BRSK1: variants seen among roughly 807,000 people sequenced by gnomAD.
BRSK1 encodes serine/threonine-protein kinase BRSK1.
BRSK1 carries 17 observed loss-of-function variants against 86.2 expected under a neutral mutation model. The ratio of observed to expected loss-of-function variants is 0.20; its 90% CI spans 0.14 to 0.30. BRSK1 has a LOEUF of 0.30. BRSK1 is among the 10% of genes least tolerant of loss of function. BRSK1 has a pLI of 1.00. For missense variants in BRSK1, 719 were observed against 1,071.9 expected (o/e 0.67, Z 4.60); for synonymous variants, 464 against 440.1 (o/e 1.05, Z -0.68).
rs373604846 is a variant in BRSK1, at chr19:55,294,413, C to T, written c.678+16C>T. On this transcript the variant is annotated intron_variant, in intron 7 of 18. Coordinates refer to ENST00000309383, the MANE Select transcript of BRSK1 (RefSeq NM_032430.2). The surrounding 1 kb of genome is among the most constrained non-coding windows in gnomAD (Gnocchi z 4.9). ...CCTGCTCGTGGTAAGGCGCCCTCACCTCTCCTGTCATTTCTAGATCAATCC... is the reference window on the plus strand; with the variant it reads ...CCTGCTCGTGGTAAGGCGCCCTCACTTCTCCTGTCATTTCTAGATCAATCC... 68 of 1,613,040 alleles carry T rather than the reference C, an allele frequency of 4.2e-5. No homozygotes were observed. The African/African-American group carries it at 7.7e-4, about 18-fold the overall frequency.
In BRSK1 at chr19:55,304,816, C is replaced by A; in HGVS notation, c.1613C>A (p.Pro538His). ...PTGTPGTTPP[P>H]SPGGGVGGAA... The stretch of plus-strand genomic sequence containing the variant: ...GGGACCCCGGGGACAACACCACCCC[C>A]CAGCCCCGGCGGTGGCGTCGGGGGA... Residue 538 changes from proline to histidine, a missense_variant, in exon 14 of 19, where the codon CCC becomes CAC. Transcript: ENST00000309383. The surrounding 1 kb of genome is among the most constrained non-coding windows in gnomAD (Gnocchi z 5.2). 6.3e-7 allele frequency: 1 copy of A among 1,580,210 alleles called. No homozygotes were observed. The highest frequency in any genetic ancestry group is 1.8e-5 in the Admixed American group (1 of 54,850).
At position 55,312,024 on chromosome 19, in the gene BRSK1, A is replaced by G; in HGVS notation, c.2293A>G (p.Lys765Glu). 4 of 1,278,866 alleles carry G rather than the reference A, an allele frequency of 3.1e-6. No individual in the cohort carries two copies. The highest frequency in any genetic ancestry group is 3.0e-6 in the Non-Finnish European group (3 of 989,666). 79.2% of individuals were successfully genotyped at this position (1,278,866 alleles called of 1,614,324 possible). The change falls in exon 19 of 19, where the codon AAG becomes GAG. Residue 765 changes from lysine to glutamate, a missense_variant. Coordinates refer to ENST00000309383, the MANE Select transcript of BRSK1 (RefSeq NM_032430.2). ...CAGCTCTCCCCGCCGAGGCCCCCCC[A>G]AGGACAAGAAGCTCCTGGCCACCAA... The part of the protein sequence containing the change: ...LSSSPRRGPP[K>E]DKKLLATNGT...
chr19:55,286,460 T>A (rs1600168515), intron 1 of BRSK1, among the ~76,000 whole-genome samples: 1 of 149,134 alleles, frequency 6.7e-6, no homozygotes, highest in African/African-American at 2.5e-5. Context: ...AGGCTGGGGG[T>A]TCAGGAGAAG....
Position 55,302,103 on chromosome 19 carries a change from A to G in BRSK1, c.826-34A>G. ...CGCGCCTACATGTGCCTACGACCTCACTTCTGCTTCTCTACGACTCACCAC... is the reference window on the plus strand; with the variant it reads ...CGCGCCTACATGTGCCTACGACCTCGCTTCTGCTTCTCTACGACTCACCAC... On this transcript the variant is annotated intron_variant, in intron 8 of 18. Coordinates refer to ENST00000309383, the MANE Select transcript of BRSK1 (RefSeq NM_032430.2). This position sits in a 1 kb window ranked among gnomAD's most constrained non-coding sequence, Gnocchi z 6.3. 1 of 1,614,026 alleles carries G rather than the reference A, an allele frequency of 6.2e-7. No individual in the cohort carries two copies. Among genetic ancestry groups the G allele is most frequent in the African/African-American group, 1.3e-5 (1 of 75,038 alleles).
At chr19:55,286,384 A>G (rs1230848178) in intron 1 of BRSK1, among the ~76,000 whole-genome samples, 1 of 151,506 alleles carries the variant, frequency 6.6e-6, no homozygotes, top group Non-Finnish European at 1.5e-5. Context: ...GAGACCGGAC[A>G]TACCCTTGGT....
At chr19:55,297,223 T>C (rs2122961215) in intron 7 of BRSK1, among the ~76,000 whole-genome samples, 1 of 151,628 alleles carries the variant, frequency 6.6e-6, no homozygotes, top group East Asian at 2.0e-4. Flanking sequence ...ACTACAGGCA[T>C]GTGCCACCAC....
chr19:55,303,482 T>C lies in BRSK1; in HGVS notation c.1126+74T>C, dbSNP rs1477604846. On this transcript the variant is annotated intron_variant, in intron 11 of 18. Coordinates refer to ENST00000309383, the MANE Select transcript of BRSK1 (RefSeq NM_032430.2). This position sits in a 1 kb window ranked among gnomAD's most constrained non-coding sequence, Gnocchi z 5.1. ...AGAGGCTGGCCACGGGGACCCCAGA[T>C]TCCCAAGGAAAGAAGGGGCTGCAGG... is the stretch of plus-strand genomic sequence containing the variant. The C allele has an allele frequency of 1.1e-5, 17 of 1,530,886 alleles. No individual in the cohort carries two copies. The Admixed American group carries it at 2.9e-4, about 26-fold the overall frequency. 94.8% of individuals were successfully genotyped at this position (1,530,886 alleles called of 1,614,324 possible). A position where few individuals can be genotyped will look rare whatever the true frequency, so the allele number is the denominator to read the frequency against.
intron 4 of BRSK1, among the ~76,000 whole-genome samples, chr19:55,293,682 G>C (rs1174446986): frequency 7.0e-6 from 1 of 143,850 alleles, no homozygotes; most frequent in African/African-American, 2.6e-5. Flanking sequence ...ATGGTGGTGC[G>C]GCCTGTAGTC....
chr19:55,285,251 G>A (rs925879175), intron 1 of BRSK1, among the ~76,000 whole-genome samples: 2 of 151,554 alleles, frequency 1.3e-5, no homozygotes, highest in Admixed American at 1.3e-4. Flanking sequence ...TCTGAAGGAG[G>A]AGGGGCTGGG....
At chr19:55,295,397 A>C (rs548149653) in intron 7 of BRSK1, among the ~76,000 whole-genome samples, 23 of 152,288 alleles carry the variant, frequency 1.5e-4, no homozygotes, top group South Asian at 6.2e-4. Flanking sequence ...TGTTGGGATT[A>C]CATGCGTGAG....
Position 55,294,724 on chromosome 19 carries a change from A to G in BRSK1, c.678+327A>G, listed in dbSNP as rs1402532564. On this transcript the variant is annotated intron_variant, in intron 7 of 18. Coordinates refer to ENST00000309383, the MANE Select transcript of BRSK1 (RefSeq NM_032430.2). This position sits in a 1 kb window ranked among gnomAD's most constrained non-coding sequence, Gnocchi z 4.9. ...GCCATATTGGCCAGGCTGGTCTCCAACTCCTGACCTCAGGTGATCCACCTG... is the reference window on the plus strand; with the variant it reads ...GCCATATTGGCCAGGCTGGTCTCCAGCTCCTGACCTCAGGTGATCCACCTG... 6.6e-6 allele frequency among the ~76,000 whole-genome samples: 1 copy of G among 151,516 alleles called. No homozygotes were observed. Among genetic ancestry groups the G allele is most frequent in the Non-Finnish European group, 1.5e-5 (1 of 67,890 alleles).
rs752088161 is a variant in BRSK1 at position 55,308,601 on chromosome 19, C to A, written c.2090-38C>A. 7.1e-6 allele frequency: 11 copies of A among 1,544,560 alleles called. 1 individual carries two copies. In the South Asian group the frequency reaches 1.0e-4, roughly 14 times the overall value. On this transcript the variant is annotated intron_variant, in intron 17 of 18. Transcript: ENST00000309383. The stretch of plus-strand genomic sequence containing the variant: ...CTGGGACGGCCTTCCCGGTCCTGGA[C>A]CCCCAGTCAGTGTTTTTCTGCCCGC...
Position 55,294,404 on chromosome 19 carries a change from CG to C in BRSK1, c.678+8del. The C allele has an allele frequency of 1.2e-6, 2 of 1,613,476 alleles. No homozygotes were observed. The highest frequency in any genetic ancestry group is 1.7e-6 in the Non-Finnish European group (2 of 1,179,852). ...CCTCTTCGCCCTGCTCGTGGTAAGGCGCCCTCACCTCTCCTGTCATTTCTAG... is the reference window on the plus strand; with the variant it reads ...CCTCTTCGCCCTGCTCGTGGTAAGGCCCCTCACCTCTCCTGTCATTTCTAG... On this transcript the variant is annotated splice_region_variant and intron_variant, in intron 7 of 18. Coordinates refer to ENST00000309383, the MANE Select transcript of BRSK1 (RefSeq NM_032430.2). This position sits in a 1 kb window ranked among gnomAD's most constrained non-coding sequence, Gnocchi z 4.9.
intron 8 of BRSK1, 121 bp downstream of exon 8, chr19:55,301,779 C>T (rs2088572597): frequency 3.2e-6 from 4 of 1,250,468 alleles, no homozygotes; most frequent in African/African-American, 1.5e-5. Flanking sequence ...TGACTGGGAT[C>T]GCCAGCTGAG....
At chr19:55,291,985 C>G (rs1026803533) in intron 4 of BRSK1, among the ~76,000 whole-genome samples, 4 of 152,170 alleles carry the variant, frequency 2.6e-5, no homozygotes, top group African/African-American at 7.2e-5. Context: ...GTCTCGAACT[C>G]CTGACCTCAG....
chr19:55,296,649 G>A (rs541338530), intron 7 of BRSK1, among the ~76,000 whole-genome samples: 158 of 152,240 alleles, frequency 1.0e-3, no homozygotes, highest in Non-Finnish European at 5.6e-4. Flanking sequence ...AATCGAGACC[G>A]TCCTGGCTAA....
Position 55,294,407 on chromosome 19 carries a change from C to G in BRSK1, c.678+10C>G. Reference sequence around the variant, plus strand: ...CTTCGCCCTGCTCGTGGTAAGGCGCCCTCACCTCTCCTGTCATTTCTAGAT... The same window carrying G: ...CTTCGCCCTGCTCGTGGTAAGGCGCGCTCACCTCTCCTGTCATTTCTAGAT... On this transcript the variant is annotated intron_variant, in intron 7 of 18. Coordinates refer to ENST00000309383, the MANE Select transcript of BRSK1 (RefSeq NM_032430.2). This position sits in a 1 kb window ranked among gnomAD's most constrained non-coding sequence, Gnocchi z 4.9. 6.2e-7 allele frequency: 1 copy of G among 1,613,158 alleles called. No individual in the cohort carries two copies. Among genetic ancestry groups the G allele is most frequent in the Middle Eastern group, 1.7e-4 (1 of 6,060 alleles).
intron 18 of BRSK1, among the ~76,000 whole-genome samples, chr19:55,309,317 T>G (rs1395553141): frequency 6.6e-6 from 1 of 152,166 alleles, no homozygotes; most frequent in African/African-American, 2.4e-5. Flanking sequence ...GAATCCGGCC[T>G]TCCCGGGCTC....
rs2088460630 is a variant in BRSK1, at chr19:55,294,753, C to T, written c.678+356C>T. ...CTGACCTCAGGTGATCCACCTGCCT[C>T]TGCCTCCCAAAGTGCTGGGATTCCA... On this transcript the variant is annotated intron_variant, in intron 7 of 18. Transcript: ENST00000309383. The surrounding 1 kb of genome is among the most constrained non-coding windows in gnomAD (Gnocchi z 4.9). Among the ~76,000 whole-genome samples, 1 of 152,118 alleles carries T rather than the reference C, an allele frequency of 6.6e-6. No homozygotes were observed. The highest frequency in any genetic ancestry group is 2.1e-4 in the South Asian group (1 of 4,826).
Sources: gnomAD v4.1 joint callset for allele counts (sites outside exome capture counted in the v4.1 genomes callset) on GRCh38, gnomAD v4.1.1 for gene constraint, Gnocchi (gnomAD v3.1) non-coding constraint, MANE v1.5 for transcripts, NCBI Gene and HGNC (gene_info 2026-07-23, HGNC 2026-07-21) for gene names.